Variants in ITGB5 observed in about 807,000 individuals in gnomAD.
ITGB5 encodes the protein integrin subunit beta 5.
A neutral mutation model predicts 84.8 loss-of-function variants in ITGB5; 38 were observed. The observed-to-expected ratio is 0.45, with a 90% CI of 0.35 to 0.59. ITGB5 has a LOEUF of 0.59. Ranked by LOEUF, ITGB5 falls within the 20% of genes least tolerant of loss-of-function variation. The probability of loss-of-function intolerance (pLI) is 0.01; values close to 1 mark genes in which losing one functional copy is unlikely to be tolerated. For synonymous variants in ITGB5, 393 were observed against 414.4 expected (o/e 0.95, Z 0.63); for missense variants, 905 against 1,034.5 (o/e 0.87, Z 1.72).
chr3:124,767,497 G>A (rs2063783768), intron 12 of ITGB5, among the ~76,000 whole-genome samples: 1 of 152,226 alleles, frequency 6.6e-6, no homozygotes, highest in Non-Finnish European at 1.5e-5. Flanking sequence ...TGCATGAACG[G>A]CTGTCACTGC....
At chr3:124,772,645 G>A (rs908589165) in intron 11 of ITGB5, among the ~76,000 whole-genome samples, 3 of 152,184 alleles carry the variant, frequency 2.0e-5, no homozygotes, top group Non-Finnish European at 4.4e-5. Flanking sequence ...TGTCACTCCT[G>A]CTTTCCAGGG....
intron 1 of ITGB5, among the ~76,000 whole-genome samples, chr3:124,899,091 GA>G (rs1323754414): frequency 2.9e-5 from 3 of 104,374 alleles, no homozygotes; most frequent in Admixed American, 1.0e-4. Context: ...AAAAAGAAAA[GA>G]AAAAAAAGAA....
chr3:124,861,564 AT>A (rs34687815), intron 2 of ITGB5, among the ~76,000 whole-genome samples: 76,559 of 129,228 alleles, frequency 0.59, 22,614 homozygotes, highest in East Asian at 0.73. Flanking sequence ...CTGGCCTTAG[AT>A]TTTTTTTTTT....
Position 124,776,365 on chromosome 3 carries a change from C to T in ITGB5, c.1694-2453G>A, listed in dbSNP as rs576700110. On this transcript the variant is annotated intron_variant, in intron 10 of 14. Transcript: ENST00000296181. ...TCCCTCACCCTCTGGCCTCAGGGAGCACACTGGTCAAGAGCCTGGTTTCAA... is the reference window on the plus strand; with the variant it reads ...TCCCTCACCCTCTGGCCTCAGGGAGTACACTGGTCAAGAGCCTGGTTTCAA... Among the ~76,000 whole-genome samples the T allele has an allele frequency of 4.6e-5, 7 of 152,340 alleles. No homozygotes were observed. In the South Asian group the frequency reaches 1.5e-3, roughly 32 times the overall value.
intron 9 of ITGB5, among the ~76,000 whole-genome samples, chr3:124,799,046 G>T (rs988279626): frequency 6.6e-6 from 1 of 152,238 alleles, no homozygotes; most frequent in African/African-American, 2.4e-5. Context: ...AGCAGGATCA[G>T]AAGACACTCG....
At chr3:124,893,066 T>C (rs73860437) in intron 1 of ITGB5, among the ~76,000 whole-genome samples, 5,528 of 152,240 alleles carry the variant, frequency 0.036, 319 homozygotes, top group African/African-American at 0.12. Flanking sequence ...TTTGTAGAGA[T>C]TGATAGGCCT....
intron 1 of ITGB5, among the ~76,000 whole-genome samples, chr3:124,898,052 G>A (rs995643271): frequency 6.6e-5 from 10 of 152,110 alleles, no homozygotes; most frequent in African/African-American, 2.2e-4. Context: ...ATGCAGAGCA[G>A]TAATGACCTT....
intron 11 of ITGB5, among the ~76,000 whole-genome samples, chr3:124,773,089 A>G (rs1195796472): frequency 1.3e-5 from 2 of 152,000 alleles, no homozygotes; most frequent in Middle Eastern, 3.2e-3. Context: ...TATTTTTAGT[A>G]GAGACGGGTG....
intron 5 of ITGB5, among the ~76,000 whole-genome samples, chr3:124,826,147 G>T (rs2064782188): frequency 6.6e-6 from 1 of 152,180 alleles, no homozygotes; most frequent in Non-Finnish European, 1.5e-5. Flanking sequence ...TGGGACTGGG[G>T]TTAAAGTTAT....
intron 5 of ITGB5, among the ~76,000 whole-genome samples, chr3:124,826,801 G>A (rs934422067): frequency 3.9e-5 from 6 of 152,232 alleles, no homozygotes; most frequent in Non-Finnish European, 8.8e-5. Flanking sequence ...CTCCACAAGT[G>A]AAGGATGGCT....
At chr3:124,838,721 C>G (rs1434357125) in intron 5 of ITGB5, among the ~76,000 whole-genome samples, 2 of 152,070 alleles carry the variant, frequency 1.3e-5, no homozygotes, top group African/African-American at 4.8e-5. Context: ...CCTGCCTCAG[C>G]CTCCCGAGTA....
chr3:124,872,756 CCT>C (rs1210561175), intron 2 of ITGB5, among the ~76,000 whole-genome samples: 1 of 152,054 alleles, frequency 6.6e-6, no homozygotes, highest in Non-Finnish European at 1.5e-5. Context: ...TTCCTCCCTC[CCT>C]CTCTCTTTCT....
In ITGB5 at chr3:124,873,622, A is replaced by T. The variant is rs1255196489; in HGVS notation, c.71-91T>A. 5 of 957,548 alleles carry T rather than the reference A, an allele frequency of 5.2e-6. No homozygotes were observed. The East Asian group carries it at 1.2e-4, about 23-fold the overall frequency. 59.3% of individuals were successfully genotyped at this position (957,548 alleles called of 1,614,324 possible). A position where few individuals can be genotyped will look rare whatever the true frequency, so the allele number is the denominator to read the frequency against. On this transcript the variant is annotated intron_variant, in intron 1 of 14. Transcript: ENST00000296181. ...AATAGGGGGAATTACATCCTTCTTT[A>T]ACAGGAGGCCTCTCTGAGTCTAAAG...
At chr3:124,809,282 C>G in intron 8 of ITGB5, 126 bp from the exon 9 acceptor site, 1 of 1,004,594 alleles carries the variant, frequency 1.0e-6, no homozygotes. Context: ...AAGGAAGAGC[C>G]AGTGAGCTTG....
At chr3:124,887,616 T>G (rs1335161959), upstream of ITGB5, 2 of 403,492 alleles carry the variant, frequency 5.0e-6, no homozygotes, top group African/African-American at 4.1e-5. Context: ...CGTGGGGGGC[T>G]CGAAACCACT....
chr3:124,792,295 AC>A (rs1262238356), intron 10 of ITGB5: 1 of 152,226 alleles, frequency 6.6e-6, no homozygotes, highest in Non-Finnish European at 1.5e-5. Context: ...ACATACACTA[AC>A]TTAGAGGAAG....
At chr3:124,770,911 T>TGCACCAGCCTCCCAGATTA (rs2063833686) in intron 11 of ITGB5, among the ~76,000 whole-genome samples, 1 of 66,644 alleles carries the variant, frequency 1.5e-5, no homozygotes, top group Non-Finnish European at 2.9e-5. Context: ...ACCCTCCCCC[T>TGCACCAGCCTCCCAGATTA]GCACCAGCCT....
chr3:124,849,934 G>A (rs757033897), intron 3 of ITGB5, among the ~76,000 whole-genome samples: 3 of 152,046 alleles, frequency 2.0e-5, no homozygotes, highest in Non-Finnish European at 4.4e-5. Context: ...GCCAAGAGAT[G>A]CCCTATTTAT....
chr3:124,863,691 G>A (rs1170285707), intron 2 of ITGB5, among the ~76,000 whole-genome samples: 1 of 152,142 alleles, frequency 6.6e-6, no homozygotes, highest in African/African-American at 2.4e-5. Flanking sequence ...GCTAATTTTT[G>A]TATTTTTAGT....
Sources: gnomAD v4.1 joint callset for allele counts (sites outside exome capture counted in the v4.1 genomes callset) on GRCh38, gnomAD v4.1.1 for gene constraint, MANE v1.5 for transcripts, NCBI Gene and HGNC (gene_info 2026-07-23, HGNC 2026-07-21) for gene names.